Variants in MMADHC observed in about 807,000 individuals in gnomAD.
MMADHC encodes metabolism of cobalamin associated D, also known as cobalamin trafficking protein CblD.
In MMADHC, 23 loss-of-function variants were observed where a neutral mutation model predicts 36.3. The ratio of observed to expected loss-of-function variants is 0.63; its 90% CI spans 0.46 to 0.90. The LOEUF (loss-of-function observed/expected upper bound fraction) is 0.90. Ranked by LOEUF, MMADHC falls within the 40% of genes least tolerant of loss-of-function variation. MMADHC has a pLI of 0.00. For missense variants in MMADHC, 330 were observed against 348.0 expected (o/e 0.95, Z 0.41); for synonymous variants, 97 against 116.1 (o/e 0.84, Z 1.06).
chr2:149,570,832 T>C (rs1367500397), intron 7 of MMADHC, among the ~76,000 whole-genome samples: 4 of 152,198 alleles, frequency 2.6e-5, no homozygotes, highest in African/African-American at 9.6e-5. Flanking sequence ...AAATCAAATA[T>C]ATAATATCTA....
chr2:149,580,239 G>C (rs13339815), intron 3 of MMADHC, among the ~76,000 whole-genome samples: 25 of 152,094 alleles, frequency 1.6e-4, no homozygotes, highest in African/African-American at 6.0e-4. Flanking sequence ...TGGGATTACA[G>C]TCATGAGCCA....
At chr2:149,574,692 T>C (rs1356295341) in intron 6 of MMADHC, among the ~76,000 whole-genome samples, 2 of 152,230 alleles carry the variant, frequency 1.3e-5, no homozygotes, top group Non-Finnish European at 2.9e-5. Flanking sequence ...AGCAATTCTC[T>C]ATTTAGGAAT....
At chr2:149,576,576 T>C in intron 4 of MMADHC, 34 bp from the exon 5 acceptor site, 1 of 1,409,086 alleles carries the variant, frequency 7.1e-7, no homozygotes. Context: ...CAACAAAATC[T>C]GGAGTTCAAA....
intron 2 of MMADHC, chr2:149,586,792 G>A: frequency 7.6e-6 from 3 of 393,392 alleles, no homozygotes; most frequent in South Asian, 4.9e-5. Flanking sequence ...GCTAAAAAAG[G>A]GCCTAAACAT....
At chr2:149,574,839 C>T (rs1269186294) in intron 6 of MMADHC, among the ~76,000 whole-genome samples, 3 of 152,162 alleles carry the variant, frequency 2.0e-5, no homozygotes, top group African/African-American at 4.8e-5. Flanking sequence ...ATCACTTTGT[C>T]GCTCAGGCTG....
Position 149,582,240 on chromosome 2 carries a change from T to C in MMADHC, c.41A>G (p.Tyr14Cys), listed in dbSNP as rs756550492. 1.9e-6 allele frequency: 3 copies of C among 1,613,686 alleles called. No individual in the cohort carries two copies. Among genetic ancestry groups the C allele is most frequent in the East Asian group, 2.2e-5 (1 of 44,856 alleles). Reference protein sequence around the residue: ...VLCNRARLVSYLPGFCSLVKR... With the variant: ...VLCNRARLVSCLPGFCSLVKR... ...AACTAAAGAGCAAAATCCTGGGAGA[T>C]AGGAAACCAGTCTGGCTCTGTTACA... The change falls in exon 3 of 8, where the codon TAT becomes TGT. Residue 14 changes from tyrosine (Y) to cysteine (C), a missense_variant. Tyr to Cys is a radical substitution (Grantham distance 194). Transcript: ENST00000303319.
At chr2:149,571,450 A>G (rs1301705922) in intron 6 of MMADHC, among the ~76,000 whole-genome samples, 2 of 152,214 alleles carry the variant, frequency 1.3e-5, no homozygotes, top group Non-Finnish European at 2.9e-5. Flanking sequence ...TGAGTTCTGT[A>G]CTACTAACTT....
chr2:149,573,376 A>T (rs1682671437), intron 6 of MMADHC, among the ~76,000 whole-genome samples: 1 of 152,232 alleles, frequency 6.6e-6, no homozygotes, highest in South Asian at 2.1e-4. Context: ...TAACTTTGAA[A>T]GGAACAATCT....
At position 149,579,353 on chromosome 2, in the gene MMADHC, A is replaced by G. The variant is rs527802583; in HGVS notation, c.372+78T>C. 1.0e-5 allele frequency: 14 copies of G among 1,335,376 alleles called. 1 individual carries two copies. The highest frequency in any genetic ancestry group is 8.9e-5 in the African/African-American group (6 of 67,486). 82.7% of individuals were successfully genotyped at this position (1,335,376 alleles called of 1,614,324 possible). On this transcript the variant is annotated intron_variant, in intron 4 of 7. Coordinates refer to ENST00000303319, the MANE Select transcript of MMADHC (RefSeq NM_015702.3). ...AAATTGATTTTTTACTTTTTCAACA[A>G]AAGTAATATGCTTATAATAATCAAG...
chr2:149,581,077 C>T (rs555613803), intron 3 of MMADHC, among the ~76,000 whole-genome samples: 32 of 152,310 alleles, frequency 2.1e-4, no homozygotes, highest in African/African-American at 7.7e-4. Context: ...ATTCTCTTTA[C>T]AGAAAACAAG....
rs549583214 is a variant in MMADHC, at chr2:149,573,948, A to C, written c.609+1763T>G. Among the ~76,000 whole-genome samples the C allele has an allele frequency of 6.6e-5, 10 of 152,292 alleles. No individual in the cohort carries two copies. The East Asian group carries it at 1.9e-3, about 29-fold the overall frequency. ...CTGACATCTGCTGGAAAAAATTAGA[A>C]CAGATTTAAACCATAAAATATCAAA... On this transcript the variant is annotated intron_variant, in intron 6 of 7. Transcript: ENST00000303319.
chr2:149,581,595 T>C (rs903869877), intron 3 of MMADHC, among the ~76,000 whole-genome samples: 4 of 152,212 alleles, frequency 2.6e-5, no homozygotes, highest in African/African-American at 9.6e-5. Context: ...TTTTTCTTTT[T>C]AACCTTGAAC....
chr2:149,578,991 T>TG (rs1223664506), intron 4 of MMADHC, among the ~76,000 whole-genome samples: 1 of 150,992 alleles, frequency 6.6e-6, no homozygotes, highest in Non-Finnish European at 1.5e-5. Context: ...GGTTCCTTTT[T>TG]TTTTTTTTTA....
intron 6 of MMADHC, among the ~76,000 whole-genome samples, chr2:149,574,255 T>C (rs1216086693): frequency 6.6e-6 from 1 of 152,174 alleles, no homozygotes; most frequent in Admixed American, 6.5e-5. Context: ...TGAGTATATA[T>C]TTACTAAGCA....
chr2:149,576,627 A>G (rs1573877257), intron 4 of MMADHC, 85 bp from the exon 5 acceptor site: 1 of 921,386 alleles, frequency 1.1e-6, no homozygotes, highest in Non-Finnish European at 1.8e-6. Flanking sequence ...TCTTCCTTAG[A>G]AAGCTTTTTG....
intron 2 of MMADHC, among the ~76,000 whole-genome samples, chr2:149,583,307 TG>T (rs1316154442): frequency 6.6e-6 from 1 of 152,118 alleles, no homozygotes; most frequent in Non-Finnish European, 1.5e-5. Context: ...AAAATTTGCT[TG>T]GGAAAAGGTG....
intron 3 of MMADHC, among the ~76,000 whole-genome samples, chr2:149,580,275 A>G (rs1227464954): frequency 6.6e-6 from 1 of 152,114 alleles, no homozygotes; most frequent in Non-Finnish European, 1.5e-5. Context: ...GTTTTTAAGT[A>G]AAGAGAAGAT....
At chr2:149,577,027 C>G (rs1682728099) in intron 4 of MMADHC, among the ~76,000 whole-genome samples, 1 of 152,160 alleles carries the variant, frequency 6.6e-6, no homozygotes, top group Non-Finnish European at 1.5e-5. Context: ...ACATCAGGCA[C>G]TATGACAGGA....
chr2:149,574,990 C>T (rs1396715173), intron 6 of MMADHC, among the ~76,000 whole-genome samples: 6 of 152,098 alleles, frequency 3.9e-5, no homozygotes, highest in Admixed American at 3.9e-4. Flanking sequence ...GACAGGGTCT[C>T]ACTACAGTGC....
Sources: gnomAD v4.1 joint callset for allele counts (sites outside exome capture counted in the v4.1 genomes callset) on GRCh38, gnomAD v4.1.1 for gene constraint, MANE v1.5 for transcripts, NCBI Gene and HGNC (gene_info 2026-07-23, HGNC 2026-07-21) for gene names.